The following PNLIPRP3 variants were observed in gnomAD, a reference collection of about 807,000 sequenced individuals.
PNLIPRP3 encodes pancreatic lipase-related protein 3.
Under a neutral mutation model 52.8 loss-of-function variants are expected in PNLIPRP3, and 58 were observed. That is an observed-to-expected ratio of 1.10 (90% CI 0.89 to 1.37). PNLIPRP3 has a LOEUF of 1.37. Ranked by LOEUF, PNLIPRP3 falls within the 40% of genes most tolerant of loss-of-function variation. The probability of loss-of-function intolerance (pLI) is 0.00; values close to 1 mark genes in which losing one functional copy is unlikely to be tolerated. For missense variants in PNLIPRP3, 593 were observed against 561.6 expected (o/e 1.06, Z -0.57); for synonymous variants, 192 against 185.0 (o/e 1.04, Z -0.31).
At chr10:116,472,532 T>C (rs534232163) in intron 10 of PNLIPRP3, among the ~76,000 whole-genome samples, 1 of 152,338 alleles carries the variant, frequency 6.6e-6, no homozygotes, top group African/African-American at 2.4e-5. Flanking sequence ...ATGTATTAGG[T>C]GTTTTATCTC....
rs571442647 is a variant in PNLIPRP3 at position 116,431,391 on chromosome 10, T to A, written c.49+3330T>A. ...TCTGTTACCTCCTAGCATTAACCCCTGCTCCTCATCCACCTACCCCTATTC... is the reference window on the plus strand; with the variant it reads ...TCTGTTACCTCCTAGCATTAACCCCAGCTCCTCATCCACCTACCCCTATTC... On this transcript the variant is annotated intron_variant, in intron 1 of 11. Transcript: ENST00000369230. Among the ~76,000 whole-genome samples, 3 of 152,242 alleles carry A rather than the reference T, an allele frequency of 2.0e-5. No individual in the cohort carries two copies. The East Asian group carries it at 5.8e-4, about 29-fold the overall frequency.
rs1023884285 is a variant in PNLIPRP3 at position 116,428,180 on chromosome 10, TTTA to T, written c.49+122_49+124del. 1.7e-5 allele frequency: 12 copies of T among 692,492 alleles called. No homozygotes were observed. In the Admixed American group the frequency reaches 2.0e-4, roughly 12 times the overall value. The allele number at this position is 692,492 out of a possible 1,614,324, so 42.9% of individuals were successfully genotyped here. A position where few individuals can be genotyped will look rare whatever the true frequency, so the allele number is the denominator to read the frequency against. On this transcript the variant is annotated intron_variant, in intron 1 of 11. Transcript: ENST00000369230. ...TATTGCTAATTTCATTCTTAAGTAGTTTATTGTTTTTATGAATATGTTTAAAAT... is the reference window on the plus strand; with the variant it reads ...TATTGCTAATTTCATTCTTAAGTAGTTTGTTTTTATGAATATGTTTAAAAT...
At chr10:116,459,133 A>T (rs1589985733) in intron 5 of PNLIPRP3, among the ~76,000 whole-genome samples, 1 of 145,878 alleles carries the variant, frequency 6.9e-6, no homozygotes, top group African/African-American at 2.5e-5. Flanking sequence ...TGTTTTTTTG[A>T]CTCCCTCTCT....
intron 4 of PNLIPRP3, among the ~76,000 whole-genome samples, chr10:116,445,299 G>A (rs1347857052): frequency 6.6e-6 from 1 of 152,166 alleles, no homozygotes; most frequent in African/African-American, 2.4e-5. Flanking sequence ...ACAAGTACTG[G>A]GTGAAGAAAA....
At chr10:116,460,326 A>G (rs1160135267) in intron 5 of PNLIPRP3, among the ~76,000 whole-genome samples, 1 of 152,222 alleles carries the variant, frequency 6.6e-6, no homozygotes. Context: ...TGAATATGTG[A>G]AAGATCATAA....
At chr10:116,446,064 C>T (rs371877263) in intron 4 of PNLIPRP3, among the ~76,000 whole-genome samples, 1 of 152,026 alleles carries the variant, frequency 6.6e-6, no homozygotes, top group Non-Finnish European at 1.5e-5. Context: ...CGGCAACAGT[C>T]GGCCGGGAGT....
chr10:116,452,865 A>ATTGCC (rs1210657034), intron 4 of PNLIPRP3, among the ~76,000 whole-genome samples: 1 of 152,122 alleles, frequency 6.6e-6, no homozygotes, highest in Non-Finnish European at 1.5e-5. Context: ...CCACAGAGAA[A>ATTGCC]CTCTACTAAG....
chr10:116,429,897 C>T (rs1845685573), intron 1 of PNLIPRP3, among the ~76,000 whole-genome samples: 1 of 152,064 alleles, frequency 6.6e-6, no homozygotes, highest in Non-Finnish European at 1.5e-5. Context: ...AACAAGACTG[C>T]CAAGAAGTAC....
At position 116,443,179 on chromosome 10, in the gene PNLIPRP3, G is replaced by T. The variant is rs1026088371; in HGVS notation, c.324+5G>T. 6.2e-6 allele frequency: 10 copies of T among 1,605,824 alleles called. No individual in the cohort carries two copies. In the African/African-American group the frequency reaches 1.1e-4, roughly 17 times the overall value. On this transcript the variant is annotated splice_donor_5th_base_variant and intron_variant, in intron 3 of 11. Transcript: ENST00000369230. Reference sequence around the variant, plus strand: ...TGGCAGAGAGACATGTGCAATGTATGACATGAATAAGCTCCTTTTTACACT... The same window carrying T: ...TGGCAGAGAGACATGTGCAATGTATTACATGAATAAGCTCCTTTTTACACT...
At chr10:116,434,793 A>G (rs930835091) in intron 1 of PNLIPRP3, among the ~76,000 whole-genome samples, 7 of 152,220 alleles carry the variant, frequency 4.6e-5, no homozygotes, top group African/African-American at 1.7e-4. Flanking sequence ...TGATCCAACT[A>G]TGAAGTCACT....
intron 1 of PNLIPRP3, among the ~76,000 whole-genome samples, chr10:116,435,925 C>T (rs1287059719): frequency 6.6e-6 from 1 of 152,168 alleles, no homozygotes; most frequent in Non-Finnish European, 1.5e-5. Context: ...CAGCACACTT[C>T]CTGATTCAAA....
Position 116,461,242 on chromosome 10 carries a change from G to C in PNLIPRP3, c.760G>C (p.Asp254His), listed in dbSNP as rs1846188114. 6.2e-7 allele frequency: 1 copy of C among 1,613,506 alleles called. No homozygotes were observed. The highest frequency in any genetic ancestry group is 8.5e-7 in the Non-Finnish European group (1 of 1,179,450). ...NGGKHMPGCE[D>H]LITPLLKFNF... ...AGGGAAGCACATGCCAGGATGTGAA[G>C]ACTTAATTACACCTTTACTGAAATT... Residue 254 changes from aspartate (D) to histidine (H), a missense_variant, in exon 7 of 12, where the codon GAC becomes CAC. Transcript: ENST00000369230.
At position 116,436,695 on chromosome 10, in the gene PNLIPRP3, C is replaced by T. The variant is rs1254596947; in HGVS notation, c.50-16C>T. ...GCCTGGTTCCTCTATACTGACACTC[C>T]ACCTTTCTGCTGCAGGAAAAGAAGT... On this transcript the variant is annotated splice_polypyrimidine_tract_variant and intron_variant, in intron 1 of 11. Transcript: ENST00000369230. 3.8e-6 allele frequency: 6 copies of T among 1,596,180 alleles called. No homozygotes were observed. Among genetic ancestry groups the T allele is most frequent in the South Asian group, 2.3e-5 (2 of 87,916 alleles).
chr10:116,444,436 T>C lies in PNLIPRP3; in HGVS notation c.379T>C (p.Ser127Pro). 6.2e-7 allele frequency: 1 copy of C among 1,613,108 alleles called. No homozygotes were observed. Among genetic ancestry groups the C allele is most frequent in the East Asian group, 2.2e-5 (1 of 44,866 alleles). ...CATTAATTTAGATTGGATCAACGGT[T>C]CACGGGAATACATCCATGCTGTAAA... The part of the protein sequence containing the change: ...NCINLDWING[S>P]REYIHAVNNL... Residue 127 changes from serine (S) to proline (P), a missense_variant, in exon 4 of 12, where the codon TCA becomes CCA. Transcript: ENST00000369230.
Position 116,448,086 on chromosome 10 carries a change from T to C in PNLIPRP3, c.456+3573T>C, listed in dbSNP as rs574564861. The stretch of plus-strand genomic sequence containing the variant: ...GAAACAGAAAGAAAGAGGGAAAGTA[T>C]GTGGAAATATAAAACTCTCTGGTAA... On this transcript the variant is annotated intron_variant, in intron 4 of 11. Transcript: ENST00000369230. Among the ~76,000 whole-genome samples the C allele has an allele frequency of 7.2e-5, 11 of 151,744 alleles. No individual in the cohort carries two copies. The East Asian group carries it at 1.4e-3, about 19-fold the overall frequency.
At chr10:116,440,908 T>C (rs912036744) in intron 2 of PNLIPRP3, among the ~76,000 whole-genome samples, 2 of 152,220 alleles carry the variant, frequency 1.3e-5, no homozygotes, top group African/African-American at 2.4e-5. Flanking sequence ...ACTGGAAATG[T>C]AGTCATCAGA....
In PNLIPRP3 at chr10:116,466,245, C is replaced by A. The variant is rs1457236644; in HGVS notation, c.927+77C>A. ...ACAATCATCCAGCTAAACATTAGGG[C>A]TTTGTGTAGGTAGCAAAAAAAATGC... On this transcript the variant is annotated intron_variant, in intron 8 of 11. Coordinates refer to ENST00000369230, the MANE Select transcript of PNLIPRP3 (RefSeq NM_001011709.3). The A allele has an allele frequency of 9.1e-6, 10 of 1,101,442 alleles. No individual in the cohort carries two copies. The East Asian group carries it at 2.3e-4, about 26-fold the overall frequency. 68.2% of individuals were successfully genotyped at this position (1,101,442 alleles called of 1,614,324 possible). A position where few individuals can be genotyped will look rare whatever the true frequency, so the allele number is the denominator to read the frequency against.
intron 2 of PNLIPRP3, among the ~76,000 whole-genome samples, chr10:116,441,294 A>G (rs1003160693): frequency 3.9e-5 from 6 of 152,210 alleles, no homozygotes; most frequent in South Asian, 2.1e-4. Context: ...TGTGCAATGT[A>G]TGATGTGAAT....
intron 4 of PNLIPRP3, among the ~76,000 whole-genome samples, chr10:116,447,823 G>A (rs186577063): frequency 1.2e-4 from 19 of 152,138 alleles, no homozygotes; most frequent in African/African-American, 4.3e-4. Flanking sequence ...TGTAATCCCA[G>A]CTACATGGGA....
Sources: allele counts gnomAD v4.1 joint callset (sites outside exome capture counted in the v4.1 genomes callset), GRCh38; gene constraint gnomAD v4.1.1; transcripts MANE v1.5; gene names NCBI Gene and HGNC (gene_info 2026-07-23, HGNC 2026-07-21).